The following NOP53 variants were observed in gnomAD, a reference collection of about 807,000 sequenced individuals.
NOP53 encodes the protein ribosome biogenesis protein NOP53.
In NOP53, 40 loss-of-function variants were observed where a neutral mutation model predicts 61.0. That is an observed-to-expected ratio of 0.66 (90% CI 0.51 to 0.85). NOP53 has a LOEUF of 0.85. NOP53 is among the 40% of genes least tolerant of loss of function. The pLI, the probability that NOP53 is intolerant of heterozygous loss-of-function variation, is 0.00. For missense variants in NOP53, 689 were observed against 652.9 expected (o/e 1.06, Z -0.60); for synonymous variants, 308 against 289.5 (o/e 1.06, Z -0.65).
At chr19:47,747,603 C>T (rs1967079771) in intron 2 of NOP53, among the ~76,000 whole-genome samples, 1 of 151,120 alleles carries the variant, frequency 6.6e-6, no homozygotes, top group South Asian at 2.1e-4. Context: ...GATCGCGCCG[C>T]TGAACTCCAG....
At position 47,755,518 on chromosome 19, in the gene NOP53, G is replaced by A. The variant is rs1189527836; in HGVS notation, c.1224G>A (p.Arg408=). The change falls in exon 9 of 13, where the codon CGG becomes CGA. Residue 408 remains arginine (R), a synonymous_variant. Transcript: ENST00000246802. ...AEADKPRRLG[R]LKYQAPDIDV... ...CTGACAAGCCCCGAAGGCTGGGGCG[G>A]CTCAAGTGAGAACCAGGCCGGGGGT... The A allele has an allele frequency of 6.8e-7, 1 of 1,468,928 alleles. No individual in the cohort carries two copies. Among genetic ancestry groups the A allele is most frequent in the Non-Finnish European group, 9.0e-7 (1 of 1,113,164 alleles). 91.0% of individuals were successfully genotyped at this position (1,468,928 alleles called of 1,614,324 possible).
Position 47,751,550 on chromosome 19 carries a change from A to G in NOP53, c.629A>G (p.Asp210Gly), listed in dbSNP as rs1967125214. The G allele has an allele frequency of 1.9e-6, 3 of 1,613,946 alleles. No homozygotes were observed. The East Asian group carries it at 6.7e-5, about 36-fold the overall frequency. The change falls in exon 5 of 13, where the codon GAT becomes GGT. Residue 210 changes from aspartate (D) to glycine (G), a missense_variant. By Grantham distance (94) the Asp-to-Gly change is moderately conservative. Coordinates refer to ENST00000246802, the MANE Select transcript of NOP53 (RefSeq NM_015710.5). ...NPLDRPLVGQDEFFLEQTKKK... is the reference protein window; with the variant it reads ...NPLDRPLVGQGEFFLEQTKKK... Reference sequence around the variant, plus strand: ...CTGGACAGGCCGTTGGTTGGCCAGGATGAGTTTTTCCTGGAGCAGACCAAG... The same window carrying G: ...CTGGACAGGCCGTTGGTTGGCCAGGGTGAGTTTTTCCTGGAGCAGACCAAG...
rs746760157 is a variant in NOP53 at position 47,752,583 on chromosome 19, C to T, written c.741C>T (p.Tyr247=). The T allele has an allele frequency of 1.3e-5, 21 of 1,609,648 alleles. 1 individual carries two copies. The South Asian group carries it at 2.2e-4, about 17-fold the overall frequency. ...AVEVAPAGAS[Y]NPSFEDHQTL... ...AGGTGGCGCCTGCCGGAGCTTCCTACAATCCATCCTTTGAAGACCACCAGG... is the reference window on the plus strand; with the variant it reads ...AGGTGGCGCCTGCCGGAGCTTCCTATAATCCATCCTTTGAAGACCACCAGG... Residue 247 remains tyrosine (Y), a synonymous_variant, in exon 6 of 13, where the codon TAC becomes TAT. Transcript: ENST00000246802.
At chr19:47,755,880 C>T (rs1305646375) in intron 10 of NOP53, 58 bp downstream of exon 10, 2 of 1,438,874 alleles carry the variant, frequency 1.4e-6, no homozygotes, top group Non-Finnish European at 1.9e-6. Flanking sequence ...ATCCTTGCTC[C>T]CCGTGCCCCC....
At position 47,752,549 on chromosome 19, in the gene NOP53, C is replaced by T; in HGVS notation, c.707C>T (p.Pro236Leu). 1 of 1,610,682 alleles carries T rather than the reference C, an allele frequency of 6.2e-7. No individual in the cohort carries two copies. Among genetic ancestry groups the T allele is most frequent in the Non-Finnish European group, 8.5e-7 (1 of 1,179,122 alleles). The change falls in exon 6 of 13, where the codon CCC becomes CTC. Residue 236 changes from proline (P) to leucine (L), a missense_variant. By Grantham distance (98) the Pro-to-Leu change is moderately conservative. Coordinates refer to ENST00000246802, the MANE Select transcript of NOP53 (RefSeq NM_015710.5). ...ARLHTKPSQA[P>L]AVEVAPAGAS... ...CTGCACACCAAGCCGTCCCAGGCAC[C>T]CGCCGTGGAGGTGGCGCCTGCCGGA...
intron 1 of NOP53, chr19:47,746,060 C>T (rs1214162354): frequency 1.3e-5 from 6 of 474,558 alleles, no homozygotes; most frequent in Non-Finnish European, 1.9e-5. Flanking sequence ...AGCATAAATA[C>T]GTTCCATGCA....
At position 47,754,733 on chromosome 19, in the gene NOP53, G is replaced by A. The variant is rs1402232526; in HGVS notation, c.895G>A (p.Glu299Lys). The A allele has an allele frequency of 1.1e-5, 17 of 1,530,140 alleles. No individual in the cohort carries two copies. In the Admixed American group the frequency reaches 2.2e-4, roughly 20 times the overall value. 94.8% of individuals were successfully genotyped at this position (1,530,140 alleles called of 1,614,324 possible). A position where few individuals can be genotyped will look rare whatever the true frequency, so the allele number is the denominator to read the frequency against. ...GGAGTCCACATTCCAGGAGCTGTGC[G>A]AGGGGCTGCTGGAGGAGTCGGATGG... is the stretch of plus-strand genomic sequence containing the variant. ...TQESTFQELC[E>K]GLLEESDGEG... The change falls in exon 8 of 13, where the codon GAG becomes AAG. Residue 299 changes from glutamate (E) to lysine (K), a missense_variant. Physicochemically the swap from Glu to Lys is moderately conservative, Grantham distance 56. Coordinates refer to ENST00000246802, the MANE Select transcript of NOP53 (RefSeq NM_015710.5). This position sits in a 1 kb window ranked among gnomAD's most constrained non-coding sequence, Gnocchi z 4.2.
intron 2 of NOP53, among the ~76,000 whole-genome samples, chr19:47,748,198 T>C (rs1339301089): frequency 1.3e-5 from 2 of 152,010 alleles, no homozygotes; most frequent in Non-Finnish European, 2.9e-5. Flanking sequence ...GTGCTGGGGT[T>C]ATAGGCGTGA....
rs550073326 is a variant in NOP53, at chr19:47,755,245, C to T, written c.1054-103C>T. The stretch of plus-strand genomic sequence containing the variant: ...ATGTGACGGGGTTAGGAAGGGCCTC[C>T]GGGGACAGGCAGGTTTGTGCAGGGA... On this transcript the variant is annotated intron_variant, in intron 8 of 12. Coordinates refer to ENST00000246802, the MANE Select transcript of NOP53 (RefSeq NM_015710.5). 22 of 750,674 alleles carry T rather than the reference C, an allele frequency of 2.9e-5. No homozygotes were observed. In the East Asian group the frequency reaches 5.5e-4, roughly 19 times the overall value. 46.5% of individuals were successfully genotyped at this position (750,674 alleles called of 1,614,324 possible). A position where few individuals can be genotyped will look rare whatever the true frequency, so the allele number is the denominator to read the frequency against.
intron 10 of NOP53, 91 bp from the exon 11 acceptor site, chr19:47,756,437 A>G: frequency 9.9e-7 from 1 of 1,012,644 alleles, no homozygotes; most frequent in Non-Finnish European, 1.5e-6. Flanking sequence ...GGGAGACTGC[A>G]TGGGGCTGAG....
chr19:47,754,863 G>T lies in NOP53; in HGVS notation c.1025G>T (p.Arg342Leu). The part of the protein sequence containing the change: ...ATTEKKTEQQ[R>L]RREKAVHRLR... ...ACAGAGAAGAAGACGGAGCAGCAGC[G>T]GCGGCGGGAGAAGGCTGTGCACAGG... is the stretch of plus-strand genomic sequence containing the variant. Residue 342 changes from arginine to leucine, a missense_variant, in exon 8 of 13, where the codon CGG becomes CTG. By Grantham distance (102) the Arg-to-Leu change is moderately radical. Coordinates refer to ENST00000246802, the MANE Select transcript of NOP53 (RefSeq NM_015710.5). The surrounding 1 kb of genome is among the most constrained non-coding windows in gnomAD (Gnocchi z 4.2). The T allele has an allele frequency of 1.3e-6, 2 of 1,528,820 alleles. No homozygotes were observed. The highest frequency in any genetic ancestry group is 1.4e-5 in the African/African-American group (1 of 71,928). The allele number at this position is 1,528,820 out of a possible 1,614,324, so 94.7% of individuals were successfully genotyped here.
intron 2 of NOP53, among the ~76,000 whole-genome samples, chr19:47,747,643 G>C (rs1443513823): frequency 6.6e-6 from 1 of 151,656 alleles, no homozygotes; most frequent in Non-Finnish European, 1.5e-5. Flanking sequence ...TTTTGAGACA[G>C]TGTTGCGCTG....
rs761240743 is a variant in NOP53 at position 47,745,775 on chromosome 19, C to T, written c.216C>T (p.Arg72=). Residue 72 remains arginine (R), a synonymous_variant, in exon 1 of 13, where the codon CGC becomes CGT. Coordinates refer to ENST00000246802, the MANE Select transcript of NOP53 (RefSeq NM_015710.5). ...QFLEDVRLQE[R]TSGGLLSEAP... is the part of the protein sequence containing the mutation. ...TGGAAGACGTGCGGCTACAGGAGCG[C>T]ACGAGCGGGTACGTTGGGCGGGACT... The T allele has an allele frequency of 6.4e-7, 1 of 1,556,456 alleles. No individual in the cohort carries two copies. The highest frequency in any genetic ancestry group is 8.7e-7 in the Non-Finnish European group (1 of 1,152,410).
At position 47,745,660 on chromosome 19, in the gene NOP53, T is replaced by C; in HGVS notation, c.101T>C (p.Leu34Pro). Residue 34 changes from leucine (L) to proline (P), a missense_variant, in exon 1 of 13, where the codon CTG becomes CCG. Transcript: ENST00000246802. ...CGGCCCACTTCGGTGGACCCAGCGC[T>C]GAGGCGGCGGCGGCGAGGCCCAAGA... is the stretch of plus-strand genomic sequence containing the variant. ...GLRPTSVDPA[L>P]RRRRRGPRNK... The C allele has an allele frequency of 6.2e-7, 1 of 1,613,594 alleles. No individual in the cohort carries two copies. The highest frequency in any genetic ancestry group is 8.5e-7 in the Non-Finnish European group (1 of 1,179,796).
intron 2 of NOP53, 56 bp downstream of exon 2, chr19:47,747,087 C>A (rs1400668672): frequency 1.5e-5 from 21 of 1,355,594 alleles, no homozygotes; most frequent in South Asian, 1.5e-4. Context: ...AGTCAGCTTA[C>A]GGTAGCCTCT....
At position 47,756,577 on chromosome 19, in the gene NOP53, AT is replaced by A; in HGVS notation, c.1347del (p.Asn449LysfsTer2). 1 of 1,614,060 alleles carries A rather than the reference AT, an allele frequency of 6.2e-7. No individual in the cohort carries two copies. Among genetic ancestry groups the A allele is most frequent in the Non-Finnish European group, 8.5e-7 (1 of 1,179,988 alleles). ...CGGTTCAAGAGCTTCCAGAGGAGGA[AT>A]ATGATCGAGCCTCGAGAGAGAGCCA... is the stretch of plus-strand genomic sequence containing the variant. ...RDRFKSFQRR[N>X]MIEPRERAKF... On this transcript the variant is annotated frameshift_variant, in exon 11 of 13. Coordinates refer to ENST00000246802, the MANE Select transcript of NOP53 (RefSeq NM_015710.5). LOFTEE classifies it high-confidence loss of function.
rs564824771 is a variant in NOP53 at position 47,747,363 on chromosome 19, C to T, written c.289+332C>T. Among the ~76,000 whole-genome samples the T allele has an allele frequency of 2.3e-4, 35 of 152,192 alleles. 1 individual carries two copies. Among genetic ancestry groups the T allele is most frequent in the African/African-American group, 7.9e-4 (33 of 41,520 alleles). ...AAGGACCTGCTTAACTCAGTCCTGCCGGTTGCGGTGAGTCACGCCTGTATT... is the reference window on the plus strand; with the variant it reads ...AAGGACCTGCTTAACTCAGTCCTGCTGGTTGCGGTGAGTCACGCCTGTATT... On this transcript the variant is annotated intron_variant, in intron 2 of 12. Coordinates refer to ENST00000246802, the MANE Select transcript of NOP53 (RefSeq NM_015710.5).
At chr19:47,756,150 TGCCCCTGAGGAA>T in intron 10 of NOP53, 1 of 509,004 alleles carries the variant, frequency 2.0e-6, no homozygotes, top group African/African-American at 1.9e-5. Context: ...GGCTCCCCAG[TGCCCCTGAGGAA>T]GCCCAGCTCC....
rs928326685 is a variant in NOP53, at chr19:47,754,762, G to A, written c.924G>A (p.Glu308=). 13 of 1,528,216 alleles carry A rather than the reference G, an allele frequency of 8.5e-6. No homozygotes were observed. In the African/African-American group the frequency reaches 1.4e-4, roughly 16 times the overall value. The allele number at this position is 1,528,216 out of a possible 1,614,324, so 94.7% of individuals were successfully genotyped here. ...GGCTGCTGGAGGAGTCGGATGGTGA[G>A]GGGGAGCCAGGCCAGGGCGAGGGGC... ...CEGLLEESDG[E]GEPGQGEGPE... is the part of the protein sequence containing the mutation. Residue 308 remains glutamate (E), a synonymous_variant, in exon 8 of 13, where the codon GAG becomes GAA. Transcript: ENST00000246802. The surrounding 1 kb of genome is among the most constrained non-coding windows in gnomAD (Gnocchi z 4.2).
Sources: gnomAD v4.1 joint callset for allele counts (sites outside exome capture counted in the v4.1 genomes callset) on GRCh38, gnomAD v4.1.1 for gene constraint, Gnocchi (gnomAD v3.1) non-coding constraint, MANE v1.5 for transcripts, NCBI Gene and HGNC (gene_info 2026-07-23, HGNC 2026-07-21) for gene names.